TRMT44: variants seen among roughly 807,000 people sequenced by gnomAD.
The protein encoded by TRMT44 is tRNA methyltransferase 44 homolog.
In TRMT44, 78 loss-of-function variants were observed where a neutral mutation model predicts 77.3. The observed-to-expected ratio is 1.01, with a 90% CI of 0.84 to 1.22. The LOEUF is 1.22. TRMT44 is among the 50% of genes most tolerant of loss of function. The probability of loss-of-function intolerance (pLI) is 0.00; values close to 1 mark genes in which losing one functional copy is unlikely to be tolerated. For missense variants in TRMT44, 1,090 were observed against 964.4 expected, an observed-to-expected ratio of 1.13 and a Z score of -1.73; for synonymous variants, 391 against 383.3, an observed-to-expected ratio of 1.02 and a Z score of -0.23.
At chr4:8,482,117 C>T (rs752388203) in intron 2 of TRMT44, among the ~76,000 whole-genome samples, 17 of 152,152 alleles carry the variant, frequency 1.1e-4, no homozygotes, top group Admixed American at 2.0e-4. Flanking sequence ...TCTTGTTTTT[C>T]GCCAGTTGCC....
At chr4:8,447,873 C>T (rs1203176262) in intron 2 of TRMT44, among the ~76,000 whole-genome samples, 1 of 152,186 alleles carries the variant, frequency 6.6e-6, no homozygotes, top group Non-Finnish European at 1.5e-5. Flanking sequence ...AACTGTGTGC[C>T]CATTAGCCAG....
At chr4:8,487,782 C>T (rs973336464) in intron 2 of TRMT44, among the ~76,000 whole-genome samples, 2 of 152,058 alleles carry the variant, frequency 1.3e-5, no homozygotes, top group African/African-American at 2.4e-5. Flanking sequence ...GGTACTTACC[C>T]CTCCCCCAGA....
At chr4:8,499,242 C>T in the TRMT44 span, among the ~76,000 whole-genome samples, 12 of 152,188 alleles carry the variant, frequency 7.9e-5, no homozygotes, top group East Asian at 1.2e-3. Context: ...AGGAGACTTG[C>T]CCCAACACTG....
At chr4:8,488,678 C>T (rs890414552) in intron 2 of TRMT44, among the ~76,000 whole-genome samples, 1 of 152,202 alleles carries the variant, frequency 6.6e-6, no homozygotes, top group Non-Finnish European at 1.5e-5. Flanking sequence ...ACAGGGGATG[C>T]GATGGCTTGG....
rs112145923 is a variant in TRMT44 at position 8,443,958 on chromosome 4, T to TA, written c.620-2504dup. On this transcript the variant is annotated intron_variant, in intron 1 of 10. Transcript: ENST00000389737. ...CTGGGCAGCAGACGGGGACTCAGTC[T>TA]AAAAAAAAAAAAAAGGAATGTGACT... Among the ~76,000 whole-genome samples the TA allele has an allele frequency of 1.3e-3, 164 of 129,114 alleles. 1 individual carries two copies. Among genetic ancestry groups the TA allele is most frequent in the African/African-American group, 2.4e-3 (74 of 30,884 alleles). 84.7% of individuals were successfully genotyped at this position (129,114 alleles called of 152,430 possible).
intron 2 of TRMT44, among the ~76,000 whole-genome samples, chr4:8,447,761 C>T (rs534832259): frequency 1.3e-3 from 196 of 152,296 alleles, no homozygotes; most frequent in African/African-American, 4.6e-3. Context: ...CCCTGAGGTC[C>T]CTTCCTGCTA....
chr4:8,465,649 T>C (rs1371486437), intron 8 of TRMT44, 88 bp downstream of exon 8: 3 of 1,199,582 alleles, frequency 2.5e-6, no homozygotes, highest in East Asian at 2.4e-5. Context: ...TGAACCATGC[T>C]GTAACGTTCA....
chr4:8,465,507 C>T lies in TRMT44; in HGVS notation c.1440C>T (p.Phe480=), dbSNP rs2109153343. The T allele has an allele frequency of 6.2e-7, 1 of 1,614,162 alleles. No individual in the cohort carries two copies. The highest frequency in any genetic ancestry group is 2.2e-5 in the East Asian group (1 of 44,880). The change falls in exon 8 of 11, where the codon TTC becomes TTT. Residue 480 remains phenylalanine, a synonymous_variant. Transcript: ENST00000389737. ...TTGACTTCATTAAAGAAGTGGGCTTCACCTGTGGGTTTCACGTGGACGAAG... is the reference window on the plus strand; with the variant it reads ...TTGACTTCATTAAAGAAGTGGGCTTTACCTGTGGGTTTCACGTGGACGAAG... ...EYLDFIKEVG[F]TCGFHVDEDC...
In TRMT44 at chr4:8,463,879, C is replaced by G. The variant is rs565491674; in HGVS notation, c.1204-106C>G. On this transcript the variant is annotated intron_variant, in intron 6 of 10. Transcript: ENST00000389737. ...GTCATGCAGCAGGTGAACTGCGGCT[C>G]TGCGCTGTGTGACTCCAGAGCCTGT... The G allele has an allele frequency of 1.5e-4, 138 of 894,032 alleles. No homozygotes were observed. In the African/African-American group the frequency reaches 1.8e-3, roughly 12 times the overall value. The allele number at this position is 894,032 out of a possible 1,614,324, so 55.4% of individuals were successfully genotyped here.
chr4:8,485,745 C>T (rs555020084), intron 2 of TRMT44, among the ~76,000 whole-genome samples: 159 of 152,100 alleles, frequency 1.0e-3, no homozygotes, highest in Middle Eastern at 3.4e-3. Flanking sequence ...TAAAATATCT[C>T]GGCCTAATAA....
In TRMT44 at chr4:8,475,970, C is replaced by A; in HGVS notation, c.2243C>A (p.Pro748His). ...FAHGPAELRP[P>H]RTTPRKKIS ...CATGGGCCTGCGGAGCTGCGGCCACCCCGGACCACCCCGAGGAAGAAGATT... is the reference window on the plus strand; with the variant it reads ...CATGGGCCTGCGGAGCTGCGGCCACACCGGACCACCCCGAGGAAGAAGATT... Residue 748 changes from proline (P) to histidine (H), a missense_variant, in exon 11 of 11, where the codon CCC (proline) becomes CAC (histidine). Pro to His is a moderately conservative substitution (Grantham distance 77). Transcript: ENST00000389737. 1 of 1,614,052 alleles carries A rather than the reference C, an allele frequency of 6.2e-7. No homozygotes were observed. Among genetic ancestry groups the A allele is most frequent in the Non-Finnish European group, 8.5e-7 (1 of 1,180,036 alleles).
chr4:8,489,104 C>A (rs1172564960), intron 2 of TRMT44, among the ~76,000 whole-genome samples: 3 of 152,242 alleles, frequency 2.0e-5, no homozygotes, highest in Non-Finnish European at 4.4e-5. Flanking sequence ...CTCAGGAGGG[C>A]CTCTTGGAAG....
chr4:8,446,774 A>T lies in TRMT44; in HGVS notation c.734+184A>T, dbSNP rs916713106. Among the ~76,000 whole-genome samples, 3 of 151,884 alleles carry T rather than the reference A, an allele frequency of 2.0e-5. No homozygotes were observed. The highest frequency in any genetic ancestry group is 7.3e-5 in the African/African-American group (3 of 41,342). On this transcript the variant is annotated intron_variant, in intron 2 of 10. Transcript: ENST00000389737. This position sits in a 1 kb window ranked among gnomAD's most constrained non-coding sequence, Gnocchi z 4.3. ...CTCTTCCTGTTGGTGCCTGGCCTCG[A>T]GTCTGGGTGGTCACAGCCTGGCTGG...
At chr4:8,472,682 C>T (rs1020600509) in intron 10 of TRMT44, among the ~76,000 whole-genome samples, 1 of 152,068 alleles carries the variant, frequency 6.6e-6, no homozygotes, top group Non-Finnish European at 1.5e-5. Context: ...GGTGGGGGGC[C>T]GGTGAGCATG....
chr4:8,460,940 T>C (rs937461587), intron 6 of TRMT44, among the ~76,000 whole-genome samples: 4 of 152,178 alleles, frequency 2.6e-5, no homozygotes, highest in African/African-American at 9.7e-5. Flanking sequence ...GCCTCAACCT[T>C]CTGGACTGAG....
At position 8,476,268 on chromosome 4, in the gene TRMT44, T is replaced by C. The variant is rs893892755; in HGVS notation, c.*267T>C. ...CGCAGCATCTTCATATCATAAAGAT[T>C]GTGCACGGATCCTTACAATGTCTCC... On this transcript the variant is annotated 3_prime_UTR_variant, in exon 11 of 11. Transcript: ENST00000389737. 3.8e-6 allele frequency: 2 copies of C among 521,888 alleles called. No individual in the cohort carries two copies. The highest frequency in any genetic ancestry group is 6.9e-6 in the Non-Finnish European group (2 of 289,660). The allele number at this position is 521,888 out of a possible 1,614,324, so 32.3% of individuals were successfully genotyped here.
chr4:8,449,927 TG>T, intron 3 of TRMT44, 39 bp downstream of exon 3: 1 of 1,135,198 alleles, frequency 8.8e-7, no homozygotes, highest in Non-Finnish European at 1.2e-6. Flanking sequence ...TCCCCCTTCA[TG>T]ATTTTCTTTT....
intron 2 of TRMT44, among the ~76,000 whole-genome samples, chr4:8,487,199 C>G (rs1471975468): frequency 3.9e-5 from 6 of 152,226 alleles, no homozygotes; most frequent in Admixed American, 3.9e-4. Flanking sequence ...GTATTGGGGT[C>G]AAGCGGCATT....
At chr4:8,465,200 AC>A (rs922107205) in intron 7 of TRMT44, among the ~76,000 whole-genome samples, 177 bp from the exon 8 acceptor site, 4 of 152,268 alleles carry the variant, frequency 2.6e-5, no homozygotes, top group Non-Finnish European at 5.9e-5. Flanking sequence ...CTGCACACAT[AC>A]CCCCTGAAGC....
Sources: allele counts gnomAD v4.1 joint callset (sites outside exome capture counted in the v4.1 genomes callset), GRCh38; gene constraint gnomAD v4.1.1; non-coding constraint Gnocchi (gnomAD v3.1); transcripts MANE v1.5; gene names NCBI Gene and HGNC (gene_info 2026-07-23, HGNC 2026-07-21).